The following DNASE1 variants were observed in gnomAD, a reference collection of about 807,000 sequenced individuals.
DNASE1 encodes the protein deoxyribonuclease-1.
Under a neutral mutation model 33.9 loss-of-function variants are expected in DNASE1, and 40 were observed. The observed-to-expected ratio is 1.18, with a 90% confidence interval of 0.92 to 1.54. The LOEUF is 1.54. Ranked by LOEUF, DNASE1 falls within the 40% of genes most tolerant of loss-of-function variation. The pLI is 0.00. For synonymous variants in DNASE1, 216 were observed against 160.0 expected, an observed-to-expected ratio of 1.35 and a Z score of -2.64; for missense variants, 518 against 372.6, an observed-to-expected ratio of 1.39 and a Z score of -3.21.
intron 1 of DNASE1, among the ~76,000 whole-genome samples, chr16:3,632,819 C>G (rs1273462937): frequency 6.6e-6 from 1 of 152,156 alleles, no homozygotes; most frequent in Non-Finnish European, 1.5e-5. Flanking sequence ...ATCCTGACCT[C>G]AGGTGATCCG....
At chr16:3,622,294 C>T (rs1255320681) in intron 1 of DNASE1, among the ~76,000 whole-genome samples, 2 of 151,184 alleles carry the variant, frequency 1.3e-5, no homozygotes, top group African/African-American at 4.9e-5. Context: ...TATCCACACA[C>T]TCACAGAATA....
intron 1 of DNASE1, among the ~76,000 whole-genome samples, chr16:3,629,120 C>T (rs1352150213): frequency 4.2e-5 from 6 of 141,944 alleles, no homozygotes; most frequent in African/African-American, 1.3e-4. Flanking sequence ...TGCAGTGAGC[C>T]GAGATTGCGC....
At position 3,664,377 on chromosome 16, in the gene DNASE1, C is replaced by T. The variant is rs149684919; in HGVS notation, c.*6424C>T. 124 of 1,612,242 alleles carry T rather than the reference C, an allele frequency of 7.7e-5. 2 individuals carry two copies. Among genetic ancestry groups the T allele is most frequent in the Admixed American group, 1.2e-4 (7 of 59,738 alleles). On this transcript the variant is annotated 3_prime_UTR_variant, in exon 10 of 10. Coordinates refer to the DNASE1 transcript ENST00000407479. ...GATGTTGCGGGTGCCGGCCCGCATG[C>T]GGCTGGCGTATTCTGAGAGGCTGGT...
chr16:3,656,753 G>T lies in DNASE1; in HGVS notation c.436G>T (p.Glu146Ter). The T allele has an allele frequency of 6.2e-7, 1 of 1,603,386 alleles. No homozygotes were observed. The highest frequency in any genetic ancestry group is 8.5e-7 in the Non-Finnish European group (1 of 1,175,106). Residue 146 changes from glutamate to a stop codon, truncating the protein, a stop_gained and splice_region_variant, in exon 5 of 9, where the codon GAG (glutamate) becomes TAG (stop). Coordinates refer to ENST00000246949, the MANE Select transcript of DNASE1 (RefSeq NM_005223.4). LOFTEE classifies it high-confidence loss of function. ...TGTCAGGTTCTTCTCCCGGTTCACA[G>T]GTGGGTGCTGCCTGGGCCAGGGTGG... is the stretch of plus-strand genomic sequence containing the variant. ...AIVRFFSRFT[E>*]VREFAIVPLH...
In DNASE1 at chr16:3,647,436, GCTAA is replaced by G. The variant is rs2042207358; in HGVS notation, c.-86+4403_-86+4406del. Among the ~76,000 whole-genome samples the G allele has an allele frequency of 2.0e-5, 3 of 151,850 alleles. No homozygotes were observed. In the South Asian group the frequency reaches 6.2e-4, roughly 32 times the overall value. On this transcript the variant is annotated intron_variant, in intron 1 of 9. Transcript: ENST00000407479. ...CTACAGATGTGTGCCTCCATGCCTG[GCTAA>G]CTTTTTAATTTTTTGTAGAGACAGG... is the stretch of plus-strand genomic sequence containing the variant.
intron 1 of DNASE1, among the ~76,000 whole-genome samples, chr16:3,614,198 C>T (rs769208284): frequency 1.1e-4 from 17 of 151,976 alleles, no homozygotes; most frequent in Non-Finnish European, 2.4e-4. Context: ...AGGTGTGAGC[C>T]ACCGCGCCCG....
At position 3,617,795 on chromosome 16, in the gene DNASE1, A is replaced by G. The variant is rs11504711; in HGVS notation, c.-1359+5789A>G. Among the ~76,000 whole-genome samples, 3 of 152,172 alleles carry G rather than the reference A, an allele frequency of 2.0e-5. No homozygotes were observed. The South Asian group carries it at 6.2e-4, about 32-fold the overall frequency. Reference sequence around the variant, plus strand: ...ACTCCATTTTTACAAAAATTTTTTTAAAAAAAGAAAAGAGGCCCAAGAGAG... The same window carrying G: ...ACTCCATTTTTACAAAAATTTTTTTGAAAAAAGAAAAGAGGCCCAAGAGAG... On this transcript the variant is annotated intron_variant and NMD_transcript_variant, in intron 1 of 11. Coordinates refer to the DNASE1 transcript ENST00000570769.
downstream of DNASE1, chr16:3,658,629 C>T (rs1232261489): frequency 1.5e-5 from 10 of 672,868 alleles, no homozygotes; most frequent in South Asian, 9.6e-5. Context: ...GCCAAGATCG[C>T]GCCACTGCAC....
chr16:3,650,374 C>T (rs555762883), upstream of DNASE1, among the ~76,000 whole-genome samples: 39 of 152,158 alleles, frequency 2.6e-4, no homozygotes, highest in African/African-American at 8.9e-4. Context: ...TTGTATTAAT[C>T]TGCCTTTATG....
chr16:3,632,071 A>G (rs2041717471), intron 1 of DNASE1, among the ~76,000 whole-genome samples: 1 of 152,228 alleles, frequency 6.6e-6, no homozygotes, highest in Admixed American at 6.5e-5. Flanking sequence ...TGTGTGTCCC[A>G]AAACATAAAC....
intron 1 of DNASE1, among the ~76,000 whole-genome samples, chr16:3,645,189 A>G (rs56012469): frequency 0.026 from 3,919 of 152,180 alleles, 78 homozygotes; most frequent in Middle Eastern, 0.048. Flanking sequence ...CACCACAACC[A>G]GCCCACTTTA....
chr16:3,662,651 A>G (rs1314758331), downstream of DNASE1: 1 of 681,930 alleles, frequency 1.5e-6, no homozygotes, highest in Admixed American at 2.0e-5. Context: ...TTCAGTTCTC[A>G]GTTCACACCT....
At chr16:3,629,722 A>G (rs1219243193) in intron 1 of DNASE1, among the ~76,000 whole-genome samples, 5 of 152,182 alleles carry the variant, frequency 3.3e-5, no homozygotes, top group African/African-American at 1.2e-4. Context: ...GACTTTTCTT[A>G]GGAGATTTTT....
At chr16:3,647,725 C>T (rs1203345503) in intron 1 of DNASE1, among the ~76,000 whole-genome samples, 1 of 152,076 alleles carries the variant, frequency 6.6e-6, no homozygotes, top group Non-Finnish European at 1.5e-5. Context: ...AATATAAGGC[C>T]AGGTGTTGTA....
chr16:3,642,491 C>T (rs139721589), upstream of DNASE1, among the ~76,000 whole-genome samples: 176 of 152,208 alleles, frequency 1.2e-3, no homozygotes, highest in South Asian at 0.019. Flanking sequence ...TAAACTGTGG[C>T]TCCAGAGCAG....
chr16:3,616,417 T>G (rs1169403117), intron 1 of DNASE1, among the ~76,000 whole-genome samples: 2 of 152,302 alleles, frequency 1.3e-5, no homozygotes, highest in Non-Finnish European at 1.5e-5. Context: ...GGTCAGGAGT[T>G]CGAGACCAGC....
chr16:3,654,879 C>T lies in DNASE1; in HGVS notation c.-167C>T, dbSNP rs997749565. ...AGACACGCACTGCCTGTGCAGGATC[C>T]GGAGCCCAGCAGCACTGCCAGGGCC... is the stretch of plus-strand genomic sequence containing the variant. On this transcript the variant is annotated 5_prime_UTR_variant, in exon 1 of 9. Transcript: ENST00000246949. 27 of 428,502 alleles carry T rather than the reference C, an allele frequency of 6.3e-5. No individual in the cohort carries two copies. Among genetic ancestry groups the T allele is most frequent in the Middle Eastern group, 5.8e-4 (1 of 1,720 alleles). 26.5% of individuals were successfully genotyped at this position (428,502 alleles called of 1,614,324 possible).
chr16:3,618,572 C>T (rs1337357506), intron 1 of DNASE1, among the ~76,000 whole-genome samples: 1 of 152,068 alleles, frequency 6.6e-6, no homozygotes, highest in Non-Finnish European at 1.5e-5. Flanking sequence ...TCTACTAAAA[C>T]TATAAAAATT....
At chr16:3,662,147 C>T (rs768292446), downstream of DNASE1, 35 of 1,607,342 alleles carry the variant, frequency 2.2e-5, no homozygotes, top group Middle Eastern at 1.7e-4. Flanking sequence ...GAGCAAAGCC[C>T]GGGGTTGAGG....
Sources: allele counts gnomAD v4.1 joint callset (sites outside exome capture counted in the v4.1 genomes callset), GRCh38; gene constraint gnomAD v4.1.1; transcripts MANE v1.5; gene names NCBI Gene and HGNC (gene_info 2026-07-23, HGNC 2026-07-21).